ANGPT1: variants seen among roughly 807,000 people sequenced by gnomAD.
The protein encoded by ANGPT1 is angiopoietin 1.
Under a neutral mutation model 62.2 loss-of-function variants are expected in ANGPT1, and 17 were observed. That is an observed-to-expected ratio of 0.27 (90% CI 0.19 to 0.41). ANGPT1 has a LOEUF of 0.41. ANGPT1 is among the 10% of genes least tolerant of loss of function. The pLI is 1.00. For missense variants in ANGPT1, 478 were observed against 594.9 expected (o/e 0.80, Z 2.04); for synonymous variants, 199 against 198.9 (o/e 1.00, Z 0.00).
At chr8:107,422,804 C>T (rs1169188258) in intron 1 of ANGPT1, among the ~76,000 whole-genome samples, 1 of 151,954 alleles carries the variant, frequency 6.6e-6, no homozygotes, top group African/African-American at 2.4e-5. Context: ...TAGATGTTAC[C>T]TAAAAATAAT....
chr8:107,472,600 G>T (rs1251259484), intron 1 of ANGPT1, among the ~76,000 whole-genome samples: 2 of 151,978 alleles, frequency 1.3e-5, no homozygotes, highest in African/African-American at 4.8e-5. Flanking sequence ...ACCAAGCTTT[G>T]TTATTAGGCA....
chr8:107,488,297 G>C (rs1812867307), intron 1 of ANGPT1, among the ~76,000 whole-genome samples: 1 of 152,080 alleles, frequency 6.6e-6, no homozygotes, highest in Non-Finnish European at 1.5e-5. Flanking sequence ...GCTAGGTTTG[G>C]GCAGCTTTAC....
chr8:107,367,791 A>G (rs1816307462), intron 1 of ANGPT1, among the ~76,000 whole-genome samples: 1 of 152,208 alleles, frequency 6.6e-6, no homozygotes, highest in Non-Finnish European at 1.5e-5. Context: ...GCAACTCCTC[A>G]TCTATTTAAG....
chr8:107,255,472 G>A lies in ANGPT1; in HGVS notation c.1337-3457C>T, dbSNP rs576652327. Among the ~76,000 whole-genome samples the A allele has an allele frequency of 3.9e-5, 6 of 152,226 alleles. No individual in the cohort carries two copies. In the South Asian group the frequency reaches 6.2e-4, roughly 16 times the overall value. ...GGCAATGGGAAGCCTGGAGAGCGCC[G>A]GAGCAGAAGTTAGAAGACCCAGACT... On this transcript the variant is annotated intron_variant, in intron 8 of 8. Coordinates refer to ENST00000517746, the MANE Select transcript of ANGPT1 (RefSeq NM_001146.5).
intron 3 of ANGPT1, among the ~76,000 whole-genome samples, chr8:107,333,537 T>C (rs3019115): frequency 0.38 from 57,860 of 151,944 alleles, 11,718 homozygotes; most frequent in East Asian, 0.48. Flanking sequence ...ACATTAGCAA[T>C]AAATGATGTG....
At chr8:107,422,291 G>A (rs888877635) in intron 1 of ANGPT1, among the ~76,000 whole-genome samples, 35 of 152,028 alleles carry the variant, frequency 2.3e-4, no homozygotes, top group Admixed American at 1.7e-3. Flanking sequence ...GAGGTATCAC[G>A]GTTCTGATGA....
chr8:107,382,656 G>A (rs927706000), intron 1 of ANGPT1, among the ~76,000 whole-genome samples: 1 of 151,976 alleles, frequency 6.6e-6, no homozygotes, highest in Non-Finnish European at 1.5e-5. Flanking sequence ...AAAAAAATGT[G>A]CATAATTGGC....
chr8:107,465,168 G>T (rs1320394666), intron 1 of ANGPT1, among the ~76,000 whole-genome samples: 1 of 152,054 alleles, frequency 6.6e-6, no homozygotes, highest in African/African-American at 2.4e-5. Context: ...TAAGAATTCA[G>T]AATGCTCTAA....
chr8:107,349,217 T>C (rs1388224697), intron 1 of ANGPT1, among the ~76,000 whole-genome samples: 4 of 152,104 alleles, frequency 2.6e-5, no homozygotes, highest in Non-Finnish European at 5.9e-5. Context: ...CAGAGTCAGG[T>C]GATTCCTTTT....
intron 6 of ANGPT1, 65 bp downstream of exon 6, chr8:107,293,871 T>C (rs1814343682): frequency 7.9e-7 from 1 of 1,262,922 alleles, no homozygotes; most frequent in African/African-American, 1.5e-5. Context: ...AGATTCATCA[T>C]ATAGTATGGA....
At chr8:107,403,946 T>C (rs1817095882) in intron 1 of ANGPT1, among the ~76,000 whole-genome samples, 1 of 151,968 alleles carries the variant, frequency 6.6e-6, no homozygotes, top group South Asian at 2.1e-4. Flanking sequence ...ATTTTAAAAT[T>C]GGAAAAATAA....
chr8:107,428,935 T>C (rs144569168), intron 1 of ANGPT1, among the ~76,000 whole-genome samples: 1 of 152,314 alleles, frequency 6.6e-6, no homozygotes, highest in East Asian at 1.9e-4. Flanking sequence ...TTTCATCCAT[T>C]TTGAAAATTT....
chr8:107,352,865 G>A (rs1815961973), intron 1 of ANGPT1, among the ~76,000 whole-genome samples: 2 of 151,706 alleles, frequency 1.3e-5, no homozygotes, highest in South Asian at 4.2e-4. Context: ...GTAAAACAAT[G>A]CAAAAAATGC....
At chr8:107,290,035 C>T (rs540779860) in intron 6 of ANGPT1, among the ~76,000 whole-genome samples, 1 of 152,210 alleles carries the variant, frequency 6.6e-6, no homozygotes, top group South Asian at 2.1e-4. Context: ...ATCCATAAAC[C>T]AGATTTTGCT....
intron 3 of ANGPT1, among the ~76,000 whole-genome samples, chr8:107,335,875 G>T (rs944433866): frequency 2.2e-5 from 3 of 139,410 alleles, no homozygotes; most frequent in African/African-American, 7.5e-5. Context: ...AATTTTTGTA[G>T]ATATGGTGAG....
At chr8:107,333,265 C>G (rs929798990) in intron 3 of ANGPT1, among the ~76,000 whole-genome samples, 3 of 151,796 alleles carry the variant, frequency 2.0e-5, no homozygotes, top group African/African-American at 7.3e-5. Context: ...AGAAGATAGA[C>G]AGATAACTAT....
chr8:107,402,260 G>T (rs1817061698), intron 1 of ANGPT1, among the ~76,000 whole-genome samples: 1 of 152,090 alleles, frequency 6.6e-6, no homozygotes, highest in Non-Finnish European at 1.5e-5. Flanking sequence ...CTTCTGTGTT[G>T]AAAGTCCACA....
intron 7 of ANGPT1, among the ~76,000 whole-genome samples, chr8:107,277,323 T>C (rs1193031173): frequency 6.6e-6 from 1 of 152,164 alleles, no homozygotes; most frequent in Non-Finnish European, 1.5e-5. Flanking sequence ...AATTGTGTCC[T>C]TTTAATATTA....
intron 8 of ANGPT1, among the ~76,000 whole-genome samples, chr8:107,259,725 C>A (rs1041855266): frequency 5.9e-5 from 9 of 152,070 alleles, no homozygotes; most frequent in Non-Finnish European, 8.8e-5. Context: ...AGAAATAATT[C>A]TTTAATTATA....
Sources: allele counts gnomAD v4.1 joint callset (sites outside exome capture counted in the v4.1 genomes callset), GRCh38; gene constraint gnomAD v4.1.1; transcripts MANE v1.5; gene names NCBI Gene and HGNC (gene_info 2026-07-23, HGNC 2026-07-21).